Variants in FAM131B observed in about 807,000 individuals in gnomAD.
FAM131B encodes the protein protein FAM131B.
In FAM131B, 19 loss-of-function variants were observed where a neutral mutation model predicts 42.0. That is an observed-to-expected ratio of 0.45 (90% CI 0.32 to 0.66). FAM131B has a LOEUF of 0.66. Ranked by LOEUF, FAM131B falls within the 30% of genes least tolerant of loss-of-function variation. The probability of loss-of-function intolerance (pLI) is 0.05; values close to 1 mark genes in which losing one functional copy is unlikely to be tolerated. For missense variants in FAM131B, 370 were observed against 468.4 expected (o/e 0.79, Z 1.94); for synonymous variants, 183 against 177.6 (o/e 1.03, Z -0.24).
the FAM131B span, chr7:143,381,482 T>C: frequency 7.2e-7 from 1 of 1,394,220 alleles, no homozygotes; most frequent in Non-Finnish European, 9.4e-7. Flanking sequence ...CGAGTGGGGG[T>C]CACCAAGGGG....
chr7:143,364,720 TC>T (rs1369380247), upstream of FAM131B, among the ~76,000 whole-genome samples: 1 of 152,204 alleles, frequency 6.6e-6, no homozygotes, highest in Non-Finnish European at 1.5e-5. Context: ...TCCTTCCTGC[TC>T]CCTATAGGTC....
chr7:143,382,183 A>G, the FAM131B span: 1 of 1,397,894 alleles, frequency 7.2e-7, no homozygotes, highest in Admixed American at 1.8e-5. Context: ...AGAGCGGTTA[A>G]CTGAGGGGAG....
chr7:143,360,175 C>T (rs13244040), intron 1 of FAM131B, 26 bp from the exon 2 acceptor site: 331,884 of 1,578,824 alleles, frequency 0.21, 37,401 homozygotes, highest in East Asian at 0.37. Context: ...GGTTAGCCGC[C>T]GGCCCTCACC....
At chr7:143,368,133 G>A in the FAM131B span, among the ~76,000 whole-genome samples, 2 of 152,190 alleles carry the variant, frequency 1.3e-5, no homozygotes, top group Non-Finnish European at 2.9e-5. Context: ...GCACCTCAGG[G>A]TGTCCTCACC....
the FAM131B span, chr7:143,382,175 A>C: frequency 7.8e-7 from 1 of 1,288,632 alleles, no homozygotes; most frequent in Non-Finnish European, 1.1e-6. Context: ...TAGGGGTTAG[A>C]GCGGTTAACT....
chr7:143,381,384 A>G, the FAM131B span: 22 of 1,179,538 alleles, frequency 1.9e-5, no homozygotes, highest in Non-Finnish European at 2.2e-5. Context: ...GCCACCCGAG[A>G]CGCGGCGCGC....
At chr7:143,372,733 C>T in the FAM131B span, among the ~76,000 whole-genome samples, 18 of 152,020 alleles carry the variant, frequency 1.2e-4, no homozygotes, top group African/African-American at 3.4e-4. Context: ...CTGAGACAGG[C>T]GGATCATCTG....
Position 143,359,319 on chromosome 7 carries a change from G to C in FAM131B, c.268+7C>G. On this transcript the variant is annotated splice_region_variant and intron_variant, in intron 4 of 6. Transcript: ENST00000443739. This position sits in a 1 kb window ranked among gnomAD's most constrained non-coding sequence, Gnocchi z 5.4. ...GTCTGAAGGCATTCTTACATCAGGA[G>C]TCTCACCTGAGAATGATGACTTGGC... 1 of 1,603,816 alleles carries C rather than the reference G, an allele frequency of 6.2e-7. No individual in the cohort carries two copies. Among genetic ancestry groups the C allele is most frequent in the Non-Finnish European group, 8.5e-7 (1 of 1,171,242 alleles).
rs755634915 is a variant in FAM131B at position 143,358,801 on chromosome 7, C to T, written c.466+26G>A. 6 of 1,607,056 alleles carry T rather than the reference C, an allele frequency of 3.7e-6. No homozygotes were observed. In the South Asian group the frequency reaches 4.4e-5, roughly 12 times the overall value. ...GTCCCTGGCCATCCTGCAAATGTGT[C>T]TCTTGAGGCTTTAGGGTACCTGTAC... On this transcript the variant is annotated intron_variant, in intron 5 of 6. Coordinates refer to ENST00000443739, the MANE Select transcript of FAM131B (RefSeq NM_001031690.3). This position sits in a 1 kb window ranked among gnomAD's most constrained non-coding sequence, Gnocchi z 4.7.
the FAM131B span, among the ~76,000 whole-genome samples, chr7:143,371,052 C>G: frequency 6.6e-6 from 1 of 152,160 alleles, no homozygotes; most frequent in African/African-American, 2.4e-5. Flanking sequence ...TCCGGCTGCT[C>G]CTTCTTTGTC....
At chr7:143,369,594 G>T in the FAM131B span, among the ~76,000 whole-genome samples, 1 of 150,006 alleles carries the variant, frequency 6.7e-6, no homozygotes. Flanking sequence ...AGAATTGCTT[G>T]AACCCAGGAG....
At chr7:143,374,703 A>G in the FAM131B span, among the ~76,000 whole-genome samples, 1 of 152,124 alleles carries the variant, frequency 6.6e-6, no homozygotes, top group African/African-American at 2.4e-5. Flanking sequence ...TTGACACTCC[A>G]GCCACACCTA....
Position 143,356,269 on chromosome 7 carries a change from G to T in FAM131B, c.*281C>A, listed in dbSNP as rs1284365900. On this transcript the variant is annotated 3_prime_UTR_variant, in exon 7 of 7. Coordinates refer to ENST00000443739, the MANE Select transcript of FAM131B (RefSeq NM_001031690.3). The surrounding 1 kb of genome is among the most constrained non-coding windows in gnomAD (Gnocchi z 4.4). Reference sequence around the variant, plus strand: ...GGTGCACACACTGGAGGCTTTGTCGGCACAGACCCAGAAGCCCACAGCCCA... The same window carrying T: ...GGTGCACACACTGGAGGCTTTGTCGTCACAGACCCAGAAGCCCACAGCCCA... 2 of 458,220 alleles carry T rather than the reference G, an allele frequency of 4.4e-6. No homozygotes were observed. The highest frequency in any genetic ancestry group is 7.8e-6 in the Non-Finnish European group (2 of 254,852). 28.4% of individuals were successfully genotyped at this position (458,220 alleles called of 1,614,324 possible). A position where few individuals can be genotyped will look rare whatever the true frequency, so the allele number is the denominator to read the frequency against.
Position 143,362,496 on chromosome 7 carries a change from C to T in FAM131B, c.28+80G>A. Reference sequence around the variant, plus strand: ...GGGTGCGGAGCGGGGCGCCCGGAGGCGCGAGGAGAGGGATGGGGGAGGGGG... The same window carrying T: ...GGGTGCGGAGCGGGGCGCCCGGAGGTGCGAGGAGAGGGATGGGGGAGGGGG... On this transcript the variant is annotated intron_variant, in intron 1 of 6. Transcript: ENST00000443739. The surrounding 1 kb of genome is among the most constrained non-coding windows in gnomAD (Gnocchi z 7.7). 1.7e-6 allele frequency: 1 copy of T among 579,384 alleles called. No homozygotes were observed. 35.9% of individuals were successfully genotyped at this position (579,384 alleles called of 1,614,324 possible). A position where few individuals can be genotyped will look rare whatever the true frequency, so the allele number is the denominator to read the frequency against.
At chr7:143,362,807 G>A (rs1451100235), upstream of FAM131B, 6 of 160,782 alleles carry the variant, frequency 3.7e-5, no homozygotes, top group African/African-American at 1.3e-4. The surrounding 1 kb of genome is among the most constrained non-coding windows in gnomAD (Gnocchi z 7.7). Context: ...TGGCTCCCCC[G>A]CCCCGGCTCG....
At chr7:143,380,438 G>T in the FAM131B span, 1 of 985,250 alleles carries the variant, frequency 1.0e-6, no homozygotes, top group Non-Finnish European at 1.2e-6. The surrounding 1 kb of genome is among the most constrained non-coding windows in gnomAD (Gnocchi z 5.0). Context: ...CCGTCGCCCG[G>T]GGTCTCCAAG....
intron 1 of FAM131B, chr7:143,360,983 C>G (rs1269979705): frequency 1.3e-5 from 2 of 151,986 alleles, no homozygotes; most frequent in Admixed American, 6.6e-5. Context: ...GAGAGTCTTG[C>G]GGAAGAACTG....
intron 1 of FAM131B, chr7:143,360,464 T>C: frequency 8.7e-7 from 1 of 1,155,514 alleles, no homozygotes; most frequent in Non-Finnish European, 1.1e-6. Context: ...GGTTTCTGTA[T>C]GGGAGCTGGG....
the FAM131B span, chr7:143,380,290 C>T: frequency 5.1e-6 from 5 of 985,056 alleles, no homozygotes; most frequent in Non-Finnish European, 6.0e-6. The surrounding 1 kb of genome is among the most constrained non-coding windows in gnomAD (Gnocchi z 5.0). Flanking sequence ...TTTCGTGTAG[C>T]CTGGGGCTGA....
Sources: allele counts gnomAD v4.1 joint callset (sites outside exome capture counted in the v4.1 genomes callset), GRCh38; gene constraint gnomAD v4.1.1; non-coding constraint Gnocchi (gnomAD v3.1); transcripts MANE v1.5; gene names NCBI Gene and HGNC (gene_info 2026-07-23, HGNC 2026-07-21).